Variants in GALNT17 observed in about 807,000 individuals in gnomAD.
GALNT17 encodes the protein polypeptide N-acetylgalactosaminyltransferase 17, also known as UDP-GalNAc:polypeptide N-acetylgalactosaminyltransferase-like 3.
A neutral mutation model predicts 63.7 loss-of-function variants in GALNT17; 29 were observed. The observed-to-expected ratio is 0.46, with a 90% CI of 0.34 to 0.62. The LOEUF is 0.62. Among genes scored for constraint, GALNT17 ranks in the 20% least tolerant of loss-of-function variants. The pLI is 0.01. For missense variants in GALNT17, 603 were observed against 799.6 expected (o/e 0.75, Z 2.97); for synonymous variants, 305 against 318.3 (o/e 0.96, Z 0.45).
intron 6 of GALNT17, among the ~76,000 whole-genome samples, chr7:71,634,792 A>C (rs1790506020): frequency 6.6e-6 from 1 of 151,814 alleles, no homozygotes; most frequent in African/African-American, 2.4e-5. Flanking sequence ...GAAAAAAAGA[A>C]ATACATTGGT....
intron 6 of GALNT17, among the ~76,000 whole-genome samples, chr7:71,621,800 C>A (rs80135085): frequency 0.11 from 17,239 of 152,102 alleles, 1,151 homozygotes; most frequent in Non-Finnish European, 0.15. Flanking sequence ...CGAAGGGTTC[C>A]CTTGGCCTCT....
chr7:71,377,197 C>T (rs1025546586), intron 2 of GALNT17, among the ~76,000 whole-genome samples: 3 of 146,162 alleles, frequency 2.1e-5, no homozygotes, highest in East Asian at 2.0e-4. Context: ...GGCCCTCCTA[C>T]TGTACCTTGA....
intron 2 of GALNT17, among the ~76,000 whole-genome samples, chr7:71,364,870 C>G (rs1583891886): frequency 6.6e-6 from 1 of 152,292 alleles, no homozygotes; most frequent in East Asian, 1.9e-4. Flanking sequence ...TAATCTACTT[C>G]CCTTCTCCTA....
chr7:71,373,677 A>G (rs999560435), intron 2 of GALNT17, among the ~76,000 whole-genome samples: 7 of 152,130 alleles, frequency 4.6e-5, no homozygotes, highest in Admixed American at 1.3e-4. Context: ...CGAGGGATCT[A>G]TTTCATAGGC....
At chr7:71,399,181 C>T (rs143280681) in intron 3 of GALNT17, among the ~76,000 whole-genome samples, 3 of 152,300 alleles carry the variant, frequency 2.0e-5, no homozygotes, top group African/African-American at 7.2e-5. Flanking sequence ...TTGCAGTGAG[C>T]TGAGATTGCG....
intron 5 of GALNT17, among the ~76,000 whole-genome samples, chr7:71,489,667 AG>A (rs972761018): frequency 1.3e-5 from 2 of 152,226 alleles, no homozygotes; most frequent in Non-Finnish European, 2.9e-5. Flanking sequence ...GGATTTTACT[AG>A]AGGCTTACAT....
intron 1 of GALNT17, among the ~76,000 whole-genome samples, chr7:71,302,776 G>A (rs938630595): frequency 1.3e-5 from 2 of 152,108 alleles, no homozygotes; most frequent in Non-Finnish European, 2.9e-5. Context: ...TCAACATGGG[G>A]TATTCATTTG....
In GALNT17 at chr7:71,256,057, G is replaced by A. The variant is rs143899944; in HGVS notation, c.239-79493G>A. Among the ~76,000 whole-genome samples, 1,187 of 152,254 alleles carry A rather than the reference G, an allele frequency of 7.8e-3. 9 individuals carry two copies. The highest frequency in any genetic ancestry group is 0.038 in the South Asian group (185 of 4,826). ...TCTCCCTGAAGCCTGCTACCTGGAGGCTTCATCTGCATGATAAAACCTTGG... is the reference window on the plus strand; with the variant it reads ...TCTCCCTGAAGCCTGCTACCTGGAGACTTCATCTGCATGATAAAACCTTGG... On this transcript the variant is annotated intron_variant, in intron 1 of 10. Transcript: ENST00000333538.
At chr7:71,442,411 G>C (rs1787084563) in intron 5 of GALNT17, among the ~76,000 whole-genome samples, 1 of 152,084 alleles carries the variant, frequency 6.6e-6, no homozygotes, top group African/African-American at 2.4e-5. Flanking sequence ...GTGTTAGCCA[G>C]GATGGTCTCA....
chr7:71,266,258 C>G (rs1015626542), intron 1 of GALNT17, among the ~76,000 whole-genome samples: 4 of 152,114 alleles, frequency 2.6e-5, no homozygotes, highest in African/African-American at 9.7e-5. Context: ...TGGTTTGGCT[C>G]TGTGTCCCAA....
At chr7:71,669,411 T>C (rs1791033112) in intron 7 of GALNT17, among the ~76,000 whole-genome samples, 1 of 151,670 alleles carries the variant, frequency 6.6e-6, no homozygotes, top group Non-Finnish European at 1.5e-5. Flanking sequence ...CTGGGGAGGC[T>C]GAGGCAGGAG....
At position 71,392,864 on chromosome 7, in the gene GALNT17, T is replaced by A. The variant is rs558539221; in HGVS notation, c.589+4463T>A. Among the ~76,000 whole-genome samples, 4 of 152,244 alleles carry A rather than the reference T, an allele frequency of 2.6e-5. No homozygotes were observed. In the East Asian group the frequency reaches 7.7e-4, roughly 29 times the overall value. ...CTCTTCTCTTGAACTAGAAGAGGAA[T>A]CTAATATTTTTCATTTTATTAAGAT... On this transcript the variant is annotated intron_variant, in intron 3 of 10. Coordinates refer to ENST00000333538, the MANE Select transcript of GALNT17 (RefSeq NM_022479.3).
chr7:71,701,406 G>C (rs1791628811), intron 9 of GALNT17, among the ~76,000 whole-genome samples: 1 of 151,898 alleles, frequency 6.6e-6, no homozygotes, highest in Non-Finnish European at 1.5e-5. Context: ...AGAATCACTT[G>C]AACTCAGGAG....
chr7:71,240,929 G>A (rs1789984966), intron 1 of GALNT17, among the ~76,000 whole-genome samples: 1 of 152,100 alleles, frequency 6.6e-6, no homozygotes, highest in Non-Finnish European at 1.5e-5. Flanking sequence ...CTCCCAAAGT[G>A]CTGGGATTAC....
At chr7:71,328,648 A>ATT (rs5884832) in intron 1 of GALNT17, among the ~76,000 whole-genome samples, 236 of 140,548 alleles carry the variant, frequency 1.7e-3, no homozygotes, top group African/African-American at 4.7e-3. Flanking sequence ...AATACCAGTG[A>ATT]TTTTTTTTTT....
intron 6 of GALNT17, among the ~76,000 whole-genome samples, chr7:71,654,118 C>G (rs1166943828): frequency 6.6e-6 from 1 of 152,140 alleles, no homozygotes; most frequent in African/African-American, 2.4e-5. Flanking sequence ...TGAGTTCAAG[C>G]TATTCTCCTG....
intron 1 of GALNT17, among the ~76,000 whole-genome samples, chr7:71,198,454 C>T (rs1789099245): frequency 6.6e-6 from 1 of 152,190 alleles, no homozygotes; most frequent in Non-Finnish European, 1.5e-5. Flanking sequence ...CTGGACTCTA[C>T]TTACTAAACA....
intron 1 of GALNT17, among the ~76,000 whole-genome samples, chr7:71,271,424 G>A (rs1481892385): frequency 6.6e-6 from 1 of 152,190 alleles, no homozygotes; most frequent in Admixed American, 6.5e-5. Context: ...GGCTCCCTGG[G>A]CCTGTTCATC....
chr7:71,307,788 G>C (rs1791333416), intron 1 of GALNT17: 1 of 152,242 alleles, frequency 6.6e-6, no homozygotes, highest in Admixed American at 6.6e-5. Flanking sequence ...GGTGAGTATT[G>C]GTTAGAGCAC....
Sources: gnomAD v4.1 joint callset for allele counts (sites outside exome capture counted in the v4.1 genomes callset) on GRCh38, gnomAD v4.1.1 for gene constraint, MANE v1.5 for transcripts, NCBI Gene and HGNC (gene_info 2026-07-23, HGNC 2026-07-21) for gene names.